The following DPP10 variants were observed in gnomAD, a reference collection of about 807,000 sequenced individuals.
The protein encoded by DPP10 is inactive dipeptidyl peptidase 10.
In DPP10, 33 loss-of-function variants were observed where a neutral mutation model predicts 120.9. The ratio of observed to expected loss-of-function variants is 0.27; its 90% CI spans 0.21 to 0.37. The LOEUF (loss-of-function observed/expected upper bound fraction) is 0.37, where lower values mean the gene tolerates loss of function less well. Ranked by LOEUF, DPP10 falls within the 10% of genes least tolerant of loss-of-function variation. The pLI is 1.00. For missense variants in DPP10, 816 were observed against 942.8 expected, an observed-to-expected ratio of 0.87 and a Z score of 1.76; for synonymous variants, 337 against 326.1, an observed-to-expected ratio of 1.03 and a Z score of -0.36.
intron 5 of DPP10, among the ~76,000 whole-genome samples, chr2:115,591,871 A>G (rs1210961939): frequency 1.3e-5 from 2 of 152,256 alleles, no homozygotes; most frequent in South Asian, 2.1e-4. Flanking sequence ...GGTCCTTCAC[A>G]TCCCTTGTAA....
intron 1 of DPP10, among the ~76,000 whole-genome samples, chr2:115,159,764 A>G (rs116382050): frequency 4.6e-5 from 7 of 152,300 alleles, no homozygotes; most frequent in African/African-American, 1.4e-4. Context: ...TACATGAAAC[A>G]TATAATAATG....
chr2:114,947,968 T>A lies in DPP10; in HGVS notation c.61-361271T>A, dbSNP rs1697490932. Among the ~76,000 whole-genome samples, 5 of 152,194 alleles carry A rather than the reference T, an allele frequency of 3.3e-5. No homozygotes were observed. In the South Asian group the frequency reaches 1.0e-3, roughly 32 times the overall value. ...TACTCTGAATCATTTTAATCTAAGATCTTATAGCTCTCTTTAGTTTTAAAA... is the reference window on the plus strand; with the variant it reads ...TACTCTGAATCATTTTAATCTAAGAACTTATAGCTCTCTTTAGTTTTAAAA... On this transcript the variant is annotated intron_variant, in intron 1 of 25. Coordinates refer to ENST00000410059, the MANE Select transcript of DPP10 (RefSeq NM_020868.6).
At chr2:115,422,284 G>A (rs1253759758) in intron 3 of DPP10, among the ~76,000 whole-genome samples, 1 of 152,166 alleles carries the variant, frequency 6.6e-6, no homozygotes, top group Non-Finnish European at 1.5e-5. Context: ...TCTGGAGTTT[G>A]AATTAGTTTT....
At chr2:114,987,804 C>CTTTTTTTTTTTTTTATT (rs59203543) in intron 1 of DPP10, among the ~76,000 whole-genome samples, 4 of 101,034 alleles carry the variant, frequency 4.0e-5, no homozygotes, top group African/African-American at 1.5e-4. Flanking sequence ...TGGAGACTGT[C>CTTTTTTTTTTTTTTATT]TTTTTTTTTT....
At chr2:115,215,982 A>G (rs893513940) in intron 1 of DPP10, among the ~76,000 whole-genome samples, 1 of 152,202 alleles carries the variant, frequency 6.6e-6, no homozygotes, top group African/African-American at 2.4e-5. Flanking sequence ...CCAAAAGAGA[A>G]TGAAATTATG....
At chr2:115,108,259 G>A (rs928935775) in intron 1 of DPP10, among the ~76,000 whole-genome samples, 1 of 152,174 alleles carries the variant, frequency 6.6e-6, no homozygotes, top group African/African-American at 2.4e-5. Flanking sequence ...TGCACAGATA[G>A]ACCAAAGTTT....
At chr2:115,192,582 C>T (rs1261423595) in intron 1 of DPP10, among the ~76,000 whole-genome samples, 1 of 152,122 alleles carries the variant, frequency 6.6e-6, no homozygotes, top group Non-Finnish European at 1.5e-5. Context: ...CTCTTTAGTA[C>T]CTATTTTTAT....
At chr2:115,795,825 A>G (rs748727633) in intron 19 of DPP10, among the ~76,000 whole-genome samples, 7 of 152,134 alleles carry the variant, frequency 4.6e-5, no homozygotes, top group Non-Finnish European at 1.5e-5. Context: ...CAAGCTTCAG[A>G]CAAGTCAGAC....
intron 1 of DPP10, among the ~76,000 whole-genome samples, chr2:114,728,853 AC>A (rs1180771991): frequency 6.6e-6 from 1 of 152,218 alleles, no homozygotes; most frequent in African/African-American, 2.4e-5. Flanking sequence ...GTAATGAATA[AC>A]TAAAACAAAG....
chr2:114,504,635 C>T (rs2104535862), intron 1 of DPP10, among the ~76,000 whole-genome samples: 1 of 152,226 alleles, frequency 6.6e-6, no homozygotes, highest in East Asian at 1.9e-4. Context: ...CATTGAGACT[C>T]CACAATAGGC....
intron 5 of DPP10, among the ~76,000 whole-genome samples, chr2:115,679,625 A>T (rs955098291): frequency 6.6e-6 from 1 of 152,260 alleles, no homozygotes; most frequent in Non-Finnish European, 1.5e-5. Context: ...GAATTAAAAA[A>T]TTGTGGTATA....
At chr2:115,804,872 GGGGTCA>G (rs1332317754) in intron 19 of DPP10, among the ~76,000 whole-genome samples, 1 of 152,190 alleles carries the variant, frequency 6.6e-6, no homozygotes, top group African/African-American at 2.4e-5. Context: ...AGGCTACTCG[GGGGTCA>G]GGGACCCACT....
chr2:115,461,492 C>T (rs2073981850), intron 3 of DPP10, among the ~76,000 whole-genome samples: 1 of 152,014 alleles, frequency 6.6e-6, no homozygotes, highest in Non-Finnish European at 1.5e-5. Flanking sequence ...ATATTTTATA[C>T]TTAAAGACTG....
chr2:114,919,032 A>G (rs895015783), intron 1 of DPP10, among the ~76,000 whole-genome samples: 5 of 57,808 alleles, frequency 8.6e-5, no homozygotes, highest in Admixed American at 2.7e-4. Context: ...TTGTAAAGAG[A>G]TTCCAAAAAA....
chr2:115,660,655 CTTTTTTT>C, intron 5 of DPP10, among the ~76,000 whole-genome samples: 10 of 25,314 alleles, frequency 4.0e-4, no homozygotes, highest in African/African-American at 4.7e-4. Flanking sequence ...CTCTGTCTGG[CTTTTTTT>C]TTTTTTTTTT....
intron 5 of DPP10, among the ~76,000 whole-genome samples, chr2:115,550,065 C>G (rs553132151): frequency 1.3e-5 from 2 of 152,110 alleles, no homozygotes; most frequent in South Asian, 4.1e-4. Context: ...TCATTTGAGT[C>G]ATACAAAAAG....
At chr2:115,424,994 T>C (rs1027665554) in intron 3 of DPP10, among the ~76,000 whole-genome samples, 1 of 152,068 alleles carries the variant, frequency 6.6e-6, no homozygotes, top group African/African-American at 2.4e-5. Flanking sequence ...AAGAGAGAAG[T>C]AGAATCGTTG....
chr2:115,761,760 AAG>A (rs1375072187), intron 11 of DPP10, among the ~76,000 whole-genome samples: 2 of 152,134 alleles, frequency 1.3e-5, no homozygotes, highest in Non-Finnish European at 2.9e-5. Flanking sequence ...GATTTAGAAA[AAG>A]AAATTAGTAT....
At chr2:114,685,327 A>G (rs565919147) in intron 1 of DPP10, among the ~76,000 whole-genome samples, 2 of 152,104 alleles carry the variant, frequency 1.3e-5, no homozygotes, top group African/African-American at 2.4e-5. Context: ...TGGGATAGTT[A>G]TTTTGCCACT....
Sources: gnomAD v4.1 joint callset for allele counts (sites outside exome capture counted in the v4.1 genomes callset) on GRCh38, gnomAD v4.1.1 for gene constraint, MANE v1.5 for transcripts, NCBI Gene and HGNC (gene_info 2026-07-23, HGNC 2026-07-21) for gene names.